R3HDM2: variants seen among roughly 807,000 people sequenced by gnomAD.
R3HDM2 encodes the protein R3H domain-containing protein 2.
Under a neutral mutation model 124.5 loss-of-function variants are expected in R3HDM2, and 38 were observed. That is an observed-to-expected ratio of 0.31 (90% CI 0.24 to 0.40). The LOEUF is 0.40. Among genes scored for constraint, R3HDM2 ranks in the 10% least tolerant of loss-of-function variants. R3HDM2 has a pLI of 1.00. For synonymous variants in R3HDM2, 391 were observed against 448.0 expected (o/e 0.87, Z 1.61); for missense variants, 869 against 1,236.9 (o/e 0.70, Z 4.46).
rs578060831 is a variant in R3HDM2, at chr12:57,361,168, G to A, written c.-36+34581C>T. Among the ~76,000 whole-genome samples, 4 of 151,454 alleles carry A rather than the reference G, an allele frequency of 2.6e-5. No homozygotes were observed. In the East Asian group the frequency reaches 5.8e-4, roughly 22 times the overall value. ...AAGTGGGCAGATCACCTGAGGTCGC[G>A]AGTTTGAGACCAGCTTGACCAACAC... On this transcript the variant is annotated intron_variant, in intron 2 of 23. Coordinates refer to ENST00000402412, the MANE Select transcript of R3HDM2 (RefSeq NM_001394031.1).
At position 57,289,404 on chromosome 12, in the gene R3HDM2, T is replaced by C. The variant is rs139899289; in HGVS notation, c.907-364A>G. On this transcript the variant is annotated intron_variant, in intron 11 of 23. Coordinates refer to ENST00000402412, the MANE Select transcript of R3HDM2 (RefSeq NM_001394031.1). Reference sequence around the variant, plus strand: ...AACTGATGTCCTTGGTCCTAAAGAGTGTGTTCAAAGGAAGGGAAAAGGGAG... The same window carrying C: ...AACTGATGTCCTTGGTCCTAAAGAGCGTGTTCAAAGGAAGGGAAAAGGGAG... Among the ~76,000 whole-genome samples the C allele has an allele frequency of 4.0e-4, 61 of 152,078 alleles. No homozygotes were observed. The East Asian group carries it at 7.9e-3, about 20-fold the overall frequency.
At chr12:57,320,311 C>A (rs1372505464) in intron 2 of R3HDM2, among the ~76,000 whole-genome samples, 2 of 91,134 alleles carry the variant, frequency 2.2e-5, no homozygotes, top group Admixed American at 2.6e-4. Flanking sequence ...TAAAATAAAG[C>A]CAGTAGTAGC....
At chr12:57,425,061 T>C (rs556541949) in intron 1 of R3HDM2, among the ~76,000 whole-genome samples, 1 of 152,268 alleles carries the variant, frequency 6.6e-6, no homozygotes, top group East Asian at 1.9e-4. Flanking sequence ...TCACCTGAGC[T>C]CGGGAGTTCG....
At chr12:57,256,709 G>C (rs906535381) in intron 21 of R3HDM2, among the ~76,000 whole-genome samples, 198 bp from the exon 22 acceptor site, 2 of 152,080 alleles carry the variant, frequency 1.3e-5, no homozygotes, top group Non-Finnish European at 2.9e-5. Context: ...CAGATAAATG[G>C]GACTACTAGG....
intron 2 of R3HDM2, among the ~76,000 whole-genome samples, chr12:57,377,236 A>G (rs1442674523): frequency 6.6e-6 from 1 of 152,094 alleles, no homozygotes; most frequent in Non-Finnish European, 1.5e-5. Context: ...AACTAACAGA[A>G]AGTCTTGAGT....
intron 14 of R3HDM2, among the ~76,000 whole-genome samples, chr12:57,273,891 GAGGAGA>G (rs2044123536): frequency 6.6e-6 from 1 of 152,180 alleles, no homozygotes; most frequent in Non-Finnish European, 1.5e-5. Context: ...ACTCTCCAAA[GAGGAGA>G]ATACTCTGGA....
At chr12:57,308,648 C>T (rs1356782050) in intron 3 of R3HDM2, among the ~76,000 whole-genome samples, 13 of 151,954 alleles carry the variant, frequency 8.6e-5, no homozygotes, top group Non-Finnish European at 1.8e-4. Flanking sequence ...ATTGTGCCAT[C>T]GCACTCCAGC....
At chr12:57,425,175 G>C (rs1214051355) in intron 1 of R3HDM2, among the ~76,000 whole-genome samples, 1 of 152,074 alleles carries the variant, frequency 6.6e-6, no homozygotes, top group African/African-American at 2.4e-5. Context: ...GGGAGGCTGA[G>C]GCAGGAGAAT....
intron 14 of R3HDM2, among the ~76,000 whole-genome samples, chr12:57,275,856 TCTA>T (rs2044569817): frequency 6.6e-6 from 1 of 152,138 alleles, no homozygotes; most frequent in Admixed American, 6.5e-5. Flanking sequence ...AGGGAACACT[TCTA>T]CACTGCTGGT....
chr12:57,272,381 A>C, intron 14 of R3HDM2: 7 of 1,300,436 alleles, frequency 5.4e-6, no homozygotes, highest in Non-Finnish European at 7.6e-6. Context: ...AGGCCATCAC[A>C]GACTGACCCA....
chr12:57,371,714 C>A (rs1276504244), intron 2 of R3HDM2, among the ~76,000 whole-genome samples: 1 of 152,048 alleles, frequency 6.6e-6, no homozygotes, highest in African/African-American at 2.4e-5. Flanking sequence ...AAGTAAATAT[C>A]ATCAGAAAAG....
intron 1 of R3HDM2, among the ~76,000 whole-genome samples, chr12:57,420,210 T>A (rs1013043661): frequency 6.6e-6 from 1 of 152,226 alleles, no homozygotes; most frequent in Admixed American, 6.6e-5. Flanking sequence ...TATATAAATA[T>A]GCTCGAGTTT....
At chr12:57,365,106 TA>T (rs928322064) in intron 2 of R3HDM2, among the ~76,000 whole-genome samples, 3 of 148,918 alleles carry the variant, frequency 2.0e-5, no homozygotes, top group African/African-American at 5.0e-5. Flanking sequence ...CTAGTAAAAA[TA>T]AAAAAAACTA....
chr12:57,429,700 G>C (rs1869186404), intron 1 of R3HDM2, among the ~76,000 whole-genome samples: 1 of 132,724 alleles, frequency 7.5e-6, no homozygotes, highest in Non-Finnish European at 1.5e-5. Context: ...GTGACAGACT[G>C]AGACCCTGTC....
intron 2 of R3HDM2, among the ~76,000 whole-genome samples, chr12:57,367,723 T>C (rs887745923): frequency 1.3e-5 from 2 of 152,212 alleles, no homozygotes; most frequent in African/African-American, 4.8e-5. Context: ...TTCATATACT[T>C]TGTCCAATTA....
intron 14 of R3HDM2, chr12:57,272,311 G>A: frequency 1.4e-6 from 1 of 716,692 alleles, no homozygotes; most frequent in Non-Finnish European, 2.5e-6. Context: ...TTCAGCCTGT[G>A]CTGGTCCCTC....
At chr12:57,316,114 C>T (rs1357672460) in intron 2 of R3HDM2, among the ~76,000 whole-genome samples, 1 of 152,156 alleles carries the variant, frequency 6.6e-6, no homozygotes, top group East Asian at 1.9e-4. Flanking sequence ...TTTAGTCAGT[C>T]ATTCTACTGA....
chr12:57,386,613 G>A (rs1422906142), intron 2 of R3HDM2, among the ~76,000 whole-genome samples: 1 of 152,194 alleles, frequency 6.6e-6, no homozygotes, highest in Non-Finnish European at 1.5e-5. Context: ...CTGCTCCACC[G>A]CGCCCAGTCC....
chr12:57,399,132 G>A (rs550727205), intron 1 of R3HDM2, among the ~76,000 whole-genome samples: 49 of 152,228 alleles, frequency 3.2e-4, no homozygotes, highest in African/African-American at 8.4e-4. Context: ...GGCCAGGCAC[G>A]GTGGCTCACA....
Sources: gnomAD v4.1 joint callset for allele counts (sites outside exome capture counted in the v4.1 genomes callset) on GRCh38, gnomAD v4.1.1 for gene constraint, MANE v1.5 for transcripts, NCBI Gene and HGNC (gene_info 2026-07-23, HGNC 2026-07-21) for gene names.